The following PCED1B variants were observed in gnomAD, a reference collection of about 807,000 sequenced individuals.
PCED1B encodes the protein PC-esterase domain-containing protein 1B.
For missense variants in PCED1B, 573 were observed against 573.9 expected (o/e 1.00, Z 0.02); for synonymous variants, 251 against 246.1 (o/e 1.02, Z -0.19).
At chr12:47,162,916 C>G (rs1300690185) in intron 2 of PCED1B, among the ~76,000 whole-genome samples, 2 of 152,138 alleles carry the variant, frequency 1.3e-5, no homozygotes, top group Non-Finnish European at 2.9e-5. Flanking sequence ...ATTCAGGGAC[C>G]ACCTAAGATT....
intron 2 of PCED1B, among the ~76,000 whole-genome samples, chr12:47,192,670 G>A (rs1374257536): frequency 6.6e-6 from 1 of 152,156 alleles, no homozygotes; most frequent in Non-Finnish European, 1.5e-5. Flanking sequence ...ATACATCATT[G>A]AGTCCATCAG....
intron 2 of PCED1B, among the ~76,000 whole-genome samples, chr12:47,133,133 C>T (rs981000695): frequency 6.6e-6 from 1 of 152,106 alleles, no homozygotes; most frequent in African/African-American, 2.4e-5. Flanking sequence ...TGAAAACAAA[C>T]ATTATTTCCT....
chr12:47,161,320 TAAA>T (rs970799753), intron 2 of PCED1B, among the ~76,000 whole-genome samples: 1 of 152,176 alleles, frequency 6.6e-6, no homozygotes, highest in Non-Finnish European at 1.5e-5. Context: ...CACAATTTGT[TAAA>T]AAAATGGTGT....
intron 1 of PCED1B, among the ~76,000 whole-genome samples, chr12:47,091,721 A>G (rs188692041): frequency 1.2e-3 from 187 of 152,246 alleles, no homozygotes; most frequent in African/African-American, 4.4e-3. Context: ...CTTGTGTGTA[A>G]TGTGAAATAA....
At chr12:47,133,068 A>G (rs1053179256) in intron 2 of PCED1B, among the ~76,000 whole-genome samples, 6 of 152,194 alleles carry the variant, frequency 3.9e-5, no homozygotes, top group African/African-American at 7.2e-5. Flanking sequence ...TACAAAGGGG[A>G]CTGTATTTTC....
At chr12:47,158,910 G>T (rs573900336) in intron 2 of PCED1B, among the ~76,000 whole-genome samples, 2 of 151,848 alleles carry the variant, frequency 1.3e-5, no homozygotes, top group Non-Finnish European at 2.9e-5. Context: ...TTTATCTCCT[G>T]CCCCCACCCA....
chr12:47,189,287 G>A (rs904602159), intron 2 of PCED1B, among the ~76,000 whole-genome samples: 4 of 152,102 alleles, frequency 2.6e-5, no homozygotes, highest in African/African-American at 9.7e-5. Context: ...GGAAAAATGT[G>A]TCCTTTTCTC....
At chr12:47,194,796 G>A (rs533362433) in intron 2 of PCED1B, among the ~76,000 whole-genome samples, 49 of 152,300 alleles carry the variant, frequency 3.2e-4, no homozygotes, top group African/African-American at 1.1e-3. Flanking sequence ...GTTTTAATGA[G>A]GAAGAGAAAG....
chr12:47,197,554 G>C (rs1026692514), intron 2 of PCED1B, among the ~76,000 whole-genome samples: 5 of 151,782 alleles, frequency 3.3e-5, no homozygotes, highest in Non-Finnish European at 4.4e-5. Context: ...GTTGTAGTGA[G>C]TCCAGATCGC....
At chr12:47,158,358 G>T (rs551416535) in intron 2 of PCED1B, among the ~76,000 whole-genome samples, 2 of 152,154 alleles carry the variant, frequency 1.3e-5, no homozygotes, top group Non-Finnish European at 2.9e-5. Context: ...TAATGGGTGC[G>T]AGGTGGTCTC....
intron 3 of PCED1B, among the ~76,000 whole-genome samples, chr12:47,217,510 A>AAGAAAGAC (rs1565608145): frequency 2.9e-5 from 4 of 137,936 alleles, no homozygotes; most frequent in African/African-American, 1.3e-4. Flanking sequence ...GAAAGAAAGA[A>AAGAAAGAC]AGAAAGAAGA....
intron 1 of PCED1B, among the ~76,000 whole-genome samples, chr12:47,085,680 C>A (rs1322268099): frequency 6.6e-6 from 1 of 152,082 alleles, no homozygotes; most frequent in African/African-American, 2.4e-5. Context: ...ATATGGTATG[C>A]ATAGATAATC....
intron 2 of PCED1B, among the ~76,000 whole-genome samples, chr12:47,160,830 G>T (rs1941355163): frequency 1.3e-5 from 2 of 152,188 alleles, no homozygotes. Context: ...GAGCCTAATG[G>T]GAGGTATCTG....
intron 1 of PCED1B, among the ~76,000 whole-genome samples, chr12:47,089,201 G>A (rs1457361094): frequency 6.6e-6 from 1 of 151,894 alleles, no homozygotes; most frequent in Non-Finnish European, 1.5e-5. Flanking sequence ...CCAGCACTTT[G>A]GGAGGCCAAG....
At chr12:47,084,480 C>A (rs1444045934) in intron 1 of PCED1B, among the ~76,000 whole-genome samples, 1 of 152,246 alleles carries the variant, frequency 6.6e-6, no homozygotes, top group East Asian at 1.9e-4. Context: ...TTCCCTTTCT[C>A]TCAGCCCCTG....
intron 2 of PCED1B, among the ~76,000 whole-genome samples, chr12:47,158,257 C>G (rs1941258006): frequency 6.6e-6 from 1 of 152,208 alleles, no homozygotes; most frequent in Admixed American, 6.5e-5. Flanking sequence ...TTTCCACCAA[C>G]AATGCACAAG....
chr12:47,187,043 A>G (rs4768778), intron 2 of PCED1B, among the ~76,000 whole-genome samples: 67,856 of 152,034 alleles, frequency 0.45, 17,359 homozygotes, highest in South Asian at 0.59. Context: ...AGAAGGGAAA[A>G]TGGCTCTTGG....
Position 47,234,018 on chromosome 12 carries a change from T to G in PCED1B, c.-57-989T>G, listed in dbSNP as rs537517820. 2.1e-4 allele frequency among the ~76,000 whole-genome samples: 32 copies of G among 152,290 alleles called. No homozygotes were observed. The South Asian group carries it at 6.6e-3, about 32-fold the overall frequency. On this transcript the variant is annotated intron_variant, in intron 3 of 3. Coordinates refer to ENST00000546455, the MANE Select transcript of PCED1B (RefSeq NM_138371.3). Reference sequence around the variant, plus strand: ...TTTTGTTTGTTTTCTGAGACGGAGTTTCTCTCTTGCCCAGGCTAAAGTGCA... The same window carrying G: ...TTTTGTTTGTTTTCTGAGACGGAGTGTCTCTCTTGCCCAGGCTAAAGTGCA...
At chr12:47,106,543 A>C (rs1055538549) in intron 2 of PCED1B, among the ~76,000 whole-genome samples, 1 of 152,074 alleles carries the variant, frequency 6.6e-6, no homozygotes, top group Non-Finnish European at 1.5e-5. Context: ...AAGCATCAGC[A>C]AACGCGCCTC....
Sources: gnomAD v4.1 joint callset for allele counts (sites outside exome capture counted in the v4.1 genomes callset) on GRCh38, gnomAD v4.1.1 for gene constraint, MANE v1.5 for transcripts, NCBI Gene and HGNC (gene_info 2026-07-23, HGNC 2026-07-21) for gene names.